The following RGS18 variants were observed in gnomAD, a reference collection of about 807,000 sequenced individuals.
The protein encoded by RGS18 is regulator of G protein signaling 18.
A neutral mutation model predicts 27.6 loss-of-function variants in RGS18; 22 were observed. That is an observed-to-expected ratio of 0.80 (90% confidence interval 0.57 to 1.14). The LOEUF (loss-of-function observed/expected upper bound fraction) is 1.14. RGS18 is among the 50% of genes most tolerant of loss of function. The pLI, the probability that RGS18 is intolerant of heterozygous loss-of-function variation, is 0.00. For synonymous variants in RGS18, 89 were observed against 84.6 expected (o/e 1.05, Z -0.29); for missense variants, 299 against 269.6 (o/e 1.11, Z -0.76).
At chr1:192,161,490 A>G (rs922236199) in intron 3 of RGS18, 1 of 152,190 alleles carries the variant, frequency 6.6e-6, no homozygotes, top group African/African-American at 2.4e-5. Context: ...GCAGCTAGGT[A>G]ATCACAGATT....
chr1:192,161,559 C>T (rs1005378056), intron 3 of RGS18: 1 of 152,170 alleles, frequency 6.6e-6, no homozygotes, highest in Non-Finnish European at 1.5e-5. Flanking sequence ...TTTATCATTA[C>T]CAAACATCCA....
intron 3 of RGS18, among the ~76,000 whole-genome samples, chr1:192,181,075 C>T (rs756902472): frequency 6.6e-6 from 1 of 151,558 alleles, no homozygotes; most frequent in African/African-American, 2.4e-5. Flanking sequence ...GAGTGAGATA[C>T]TGGCCTTATT....
At chr1:192,158,881 GAA>G in intron 1 of RGS18, 125 bp downstream of exon 1, 2 of 661,186 alleles carry the variant, frequency 3.0e-6, no homozygotes, top group Non-Finnish European at 5.1e-6. Context: ...TATAATTTGG[GAA>G]AAAAAAACAC....
chr1:192,161,143 C>T (rs1553228506), intron 3 of RGS18, among the ~76,000 whole-genome samples: 2 of 151,798 alleles, frequency 1.3e-5, no homozygotes, highest in South Asian at 4.1e-4. Flanking sequence ...AACCACTGCG[C>T]CCCGCTCCAT....
chr1:192,179,414 G>A (rs1656411211), intron 3 of RGS18, among the ~76,000 whole-genome samples: 1 of 151,410 alleles, frequency 6.6e-6, no homozygotes, highest in South Asian at 2.1e-4. Context: ...TTTCTATAGT[G>A]CAACTACCAT....
intron 3 of RGS18, among the ~76,000 whole-genome samples, chr1:192,174,612 G>A (rs966623429): frequency 2.0e-5 from 3 of 151,666 alleles, no homozygotes; most frequent in Non-Finnish European, 4.4e-5. Context: ...TATATGTTTA[G>A]GATTGTTATG....
intron 3 of RGS18, among the ~76,000 whole-genome samples, chr1:192,172,627 G>A (rs887677710): frequency 8.6e-5 from 13 of 151,730 alleles, no homozygotes; most frequent in African/African-American, 3.1e-4. Flanking sequence ...CTCAAAGCCA[G>A]CAGCAGAGTC....
At chr1:192,169,387 A>T (rs1435551866) in intron 3 of RGS18, 2 of 152,142 alleles carry the variant, frequency 1.3e-5, no homozygotes, top group Non-Finnish European at 2.9e-5. Flanking sequence ...AATAAAACAT[A>T]CTTTCTTTCC....
rs2102152544 is a variant in RGS18 at position 192,165,604 on chromosome 1, A to G, written c.283+5165A>G. 1.3e-5 allele frequency among the ~76,000 whole-genome samples: 2 copies of G among 152,240 alleles called. 1 individual carries two copies. The highest frequency in any genetic ancestry group is 4.1e-4 in the South Asian group (2 of 4,826). ...TTTGTGCTCTTTCCCTTTATTTCTC[A>G]GACTGGCCGACACTTAGGGAAAATA... is the stretch of plus-strand genomic sequence containing the variant. On this transcript the variant is annotated intron_variant, in intron 3 of 4. Transcript: ENST00000367460.
intron 2 of RGS18, among the ~76,000 whole-genome samples, chr1:192,159,539 C>G (rs1314164691): frequency 6.6e-6 from 1 of 152,086 alleles, no homozygotes; most frequent in African/African-American, 2.4e-5. Context: ...TAAAGCTGCT[C>G]TTTTAAAATT....
At chr1:192,174,004 GT>G (rs534619473) in intron 3 of RGS18, among the ~76,000 whole-genome samples, 12 of 149,346 alleles carry the variant, frequency 8.0e-5, no homozygotes, top group Middle Eastern at 3.2e-3. Context: ...TACCCTTCCT[GT>G]TTTTTTTCTT....
chr1:192,178,725 CTT>C (rs1165434235), intron 3 of RGS18, among the ~76,000 whole-genome samples: 1 of 151,486 alleles, frequency 6.6e-6, no homozygotes, highest in Admixed American at 6.6e-5. Context: ...GTGTAGAAAA[CTT>C]AATCAAAGAT....
At chr1:192,172,691 TA>T (rs1312810487) in intron 3 of RGS18, among the ~76,000 whole-genome samples, 2 of 151,644 alleles carry the variant, frequency 1.3e-5, no homozygotes, top group Non-Finnish European at 2.9e-5. Context: ...CTTCTACTTT[TA>T]AGGACTCGCG....
intron 4 of RGS18, among the ~76,000 whole-genome samples, chr1:192,183,971 G>A (rs939394181): frequency 6.6e-6 from 1 of 151,584 alleles, no homozygotes; most frequent in Non-Finnish European, 1.5e-5. Context: ...GCTCAAAAGA[G>A]AGAGACAGAG....
intron 3 of RGS18, among the ~76,000 whole-genome samples, chr1:192,176,068 G>GACA (rs1656352983): frequency 6.6e-6 from 1 of 151,806 alleles, no homozygotes; most frequent in Non-Finnish European, 1.5e-5. Context: ...GGGAATACAG[G>GACA]TATCCCTGGG....
chr1:192,184,369 G>A lies in RGS18; in HGVS notation c.523G>A (p.Ala175Thr). ...ITQPTLHSFDAAQSRVYQLME... is the reference protein window; with the variant it reads ...ITQPTLHSFDTAQSRVYQLME... ...TCAACCTACCCTCCACAGTTTTGAT[G>A]CTGCACAAAGCAGAGTGTATCAGCT... The change falls in exon 5 of 5, where the codon GCT becomes ACT. Residue 175 changes from alanine (A) to threonine (T), a missense_variant. Physicochemically the swap from Ala to Thr is moderately conservative, Grantham distance 58. Transcript: ENST00000367460. 6.2e-7 allele frequency: 1 copy of A among 1,611,686 alleles called. No homozygotes were observed. The highest frequency in any genetic ancestry group is 8.5e-7 in the Non-Finnish European group (1 of 1,178,554).
At chr1:192,183,155 G>GT (rs541316807) in intron 4 of RGS18, among the ~76,000 whole-genome samples, 198 of 151,436 alleles carry the variant, frequency 1.3e-3, no homozygotes, top group African/African-American at 2.2e-3. Context: ...GTTTTACATA[G>GT]TTTTTTTTAT....
chr1:192,164,012 T>C (rs1656117936), intron 3 of RGS18, among the ~76,000 whole-genome samples: 2 of 152,024 alleles, frequency 1.3e-5, no homozygotes, highest in African/African-American at 2.4e-5. Flanking sequence ...GTATGTTATG[T>C]CATTAAAAGG....
intron 3 of RGS18, among the ~76,000 whole-genome samples, chr1:192,180,416 C>T (rs1656430930): frequency 6.6e-6 from 1 of 151,514 alleles, no homozygotes; most frequent in Non-Finnish European, 1.5e-5. Flanking sequence ...CACATAGTAA[C>T]TAAATGAACA....
Sources: gnomAD v4.1 joint callset for allele counts (sites outside exome capture counted in the v4.1 genomes callset) on GRCh38, gnomAD v4.1.1 for gene constraint, MANE v1.5 for transcripts, NCBI Gene and HGNC (gene_info 2026-07-23, HGNC 2026-07-21) for gene names.